SPAG16: variants seen among roughly 807,000 people sequenced by gnomAD.
SPAG16 encodes sperm associated antigen 16.
SPAG16 carries 86 observed loss-of-function variants against 80.4 expected under a neutral mutation model. That is an observed-to-expected ratio of 1.07 (90% CI 0.90 to 1.28). SPAG16 has a LOEUF of 1.28. SPAG16 is among the 50% of genes most tolerant of loss of function. The pLI is 0.00. For synonymous variants in SPAG16, 294 were observed against 265.9 expected, an observed-to-expected ratio of 1.11 and a Z score of -1.03; for missense variants, 870 against 765.3, an observed-to-expected ratio of 1.14 and a Z score of -1.61.
chr2:213,942,844 C>T (rs2079267119), intron 12 of SPAG16, among the ~76,000 whole-genome samples: 2 of 152,030 alleles, frequency 1.3e-5, no homozygotes, highest in Admixed American at 6.6e-5. Flanking sequence ...TGCTTGTGTC[C>T]CTCCAAAACT....
chr2:213,728,908 A>AAAAAAAAAAAAAAG (rs1220842974), intron 10 of SPAG16, among the ~76,000 whole-genome samples: 1 of 111,082 alleles, frequency 9.0e-6, no homozygotes, highest in African/African-American at 3.0e-5. Flanking sequence ...AAAAAAAAAA[A>AAAAAAAAAAAAAAG]AAAAAAAAAA....
chr2:214,264,083 GC>G (rs1691371380), intron 15 of SPAG16, among the ~76,000 whole-genome samples: 1 of 152,060 alleles, frequency 6.6e-6, no homozygotes, highest in Non-Finnish European at 1.5e-5. Context: ...AATCTGTGTG[GC>G]TGTCTGGACT....
intron 10 of SPAG16, among the ~76,000 whole-genome samples, chr2:213,786,328 T>C (rs16850888): frequency 0.25 from 38,383 of 152,120 alleles, 5,582 homozygotes; most frequent in South Asian, 0.41. Flanking sequence ...TTTTGGAGTT[T>C]AAGTGGTGAC....
rs1559430410 is a variant in SPAG16 at position 213,342,316 on chromosome 2, GTT to G, written c.644+2047_644+2048del. Among the ~76,000 whole-genome samples the G allele has an allele frequency of 4.1e-4, 51 of 123,860 alleles. No individual in the cohort carries two copies. In the South Asian group the frequency reaches 0.011, roughly 28 times the overall value. 81.3% of individuals were successfully genotyped at this position (123,860 alleles called of 152,430 possible). ...ATATATGACATATGTGTATATATAT[GTT>G]ACATATATGTGTATATATATATTAC... On this transcript the variant is annotated intron_variant, in intron 6 of 15. Transcript: ENST00000331683.
intron 15 of SPAG16, among the ~76,000 whole-genome samples, chr2:214,286,411 A>G (rs1229770678): frequency 6.6e-6 from 1 of 152,132 alleles, no homozygotes; most frequent in Non-Finnish European, 1.5e-5. Context: ...ATCCATGTAA[A>G]ACCCCAATAA....
chr2:214,286,958 T>C (rs1225250097), intron 15 of SPAG16, among the ~76,000 whole-genome samples: 1 of 152,200 alleles, frequency 6.6e-6, no homozygotes, highest in African/African-American at 2.4e-5. Context: ...TCTAATTATT[T>C]TAAATTTACT....
At chr2:213,985,732 A>G (rs188373028) in intron 12 of SPAG16, among the ~76,000 whole-genome samples, 84 of 152,218 alleles carry the variant, frequency 5.5e-4, no homozygotes, top group African/African-American at 1.9e-3. Context: ...AGGGAATAAA[A>G]GGATGGAGTA....
At chr2:214,026,233 C>T (rs1400241916) in intron 13 of SPAG16, among the ~76,000 whole-genome samples, 1 of 151,016 alleles carries the variant, frequency 6.6e-6, no homozygotes, top group Non-Finnish European at 1.5e-5. Context: ...CATATATATA[C>T]ATACACATAT....
chr2:213,396,491 C>T lies in SPAG16; in HGVS notation c.942+21372C>T, dbSNP rs1456643289. 2.2e-5 allele frequency: 5 copies of T among 222,262 alleles called. 1 individual carries two copies. The highest frequency in any genetic ancestry group is 1.2e-4 in the East Asian group (1 of 8,338). 13.8% of individuals were successfully genotyped at this position (222,262 alleles called of 1,614,324 possible). The stretch of plus-strand genomic sequence containing the variant: ...TCTTTTTAAATAAATAAGCTTGTTC[C>T]TTTGTTGGCTTTGAGGCCTCCTTCA... On this transcript the variant is annotated intron_variant, in intron 9 of 15. Transcript: ENST00000331683.
intron 10 of SPAG16, among the ~76,000 whole-genome samples, chr2:213,704,657 G>A (rs571357557): frequency 7.7e-6 from 1 of 129,108 alleles, no homozygotes; most frequent in Non-Finnish European, 1.7e-5. Flanking sequence ...AGAAATAAAG[G>A]TCCTTTTAAG....
intron 12 of SPAG16, among the ~76,000 whole-genome samples, chr2:213,976,458 A>G (rs1205679177): frequency 6.6e-6 from 1 of 151,956 alleles, no homozygotes; most frequent in Non-Finnish European, 1.5e-5. Context: ...TGGACCTTTC[A>G]AGTATATTAA....
intron 10 of SPAG16, among the ~76,000 whole-genome samples, chr2:213,627,001 C>T (rs936293475): frequency 1.3e-5 from 2 of 152,130 alleles, no homozygotes; most frequent in African/African-American, 4.8e-5. Flanking sequence ...ACAAAAGTCA[C>T]ACTGATCTCT....
chr2:213,284,944 T>G (rs1000294761), intron 1 of SPAG16, among the ~76,000 whole-genome samples: 3 of 152,186 alleles, frequency 2.0e-5, no homozygotes, highest in African/African-American at 7.2e-5. Flanking sequence ...GCTTCAACCC[T>G]CCTTTCAAAT....
At chr2:214,017,631 C>T (rs538659869) in intron 13 of SPAG16, among the ~76,000 whole-genome samples, 119 of 152,212 alleles carry the variant, frequency 7.8e-4, no homozygotes, top group African/African-American at 2.7e-3. Context: ...TTCCTCCCTC[C>T]CTGAGGTTCT....
chr2:214,252,790 T>C (rs1049076411), intron 15 of SPAG16, among the ~76,000 whole-genome samples: 1 of 152,174 alleles, frequency 6.6e-6, no homozygotes, highest in African/African-American at 2.4e-5. Context: ...GAATGATTTA[T>C]AATCCTTTGG....
chr2:213,843,844 C>A (rs531246335), intron 10 of SPAG16, among the ~76,000 whole-genome samples: 50 of 152,148 alleles, frequency 3.3e-4, no homozygotes, highest in African/African-American at 1.1e-3. Context: ...GAGTGAGACT[C>A]CATCTCAAAA....
chr2:213,608,079 T>C (rs1388111290), intron 10 of SPAG16, among the ~76,000 whole-genome samples: 3 of 152,156 alleles, frequency 2.0e-5, no homozygotes, highest in Non-Finnish European at 4.4e-5. Flanking sequence ...ATCAACTCTT[T>C]CTGGTTTTGT....
chr2:213,769,445 G>A (rs770753275), intron 10 of SPAG16, among the ~76,000 whole-genome samples: 1 of 152,148 alleles, frequency 6.6e-6, no homozygotes, highest in Non-Finnish European at 1.5e-5. Context: ...TTTTCTGGCA[G>A]TGGCATTGGT....
At chr2:214,021,211 T>C (rs2047846918) in intron 13 of SPAG16, among the ~76,000 whole-genome samples, 1 of 152,094 alleles carries the variant, frequency 6.6e-6, no homozygotes, top group Non-Finnish European at 1.5e-5. Flanking sequence ...GTAGAAAACA[T>C]TTTTTTGGTC....
Sources: allele counts gnomAD v4.1 joint callset (sites outside exome capture counted in the v4.1 genomes callset), GRCh38; gene constraint gnomAD v4.1.1; transcripts MANE v1.5; gene names NCBI Gene and HGNC (gene_info 2026-07-23, HGNC 2026-07-21).